LSAMP: variants seen among roughly 807,000 people sequenced by gnomAD.
The protein encoded by LSAMP is limbic system-associated membrane protein.
In LSAMP, 7 loss-of-function variants were observed where a neutral mutation model predicts 38.6. The observed-to-expected ratio is 0.18, with a 90% CI of 0.10 to 0.34. LSAMP has a LOEUF of 0.34. LSAMP is among the 10% of genes least tolerant of loss of function. LSAMP has a pLI of 1.00. For missense variants in LSAMP, 313 were observed against 420.0 expected (o/e 0.75, Z 2.23); for synonymous variants, 154 against 166.8 (o/e 0.92, Z 0.59).
chr3:116,122,977 C>T (rs1244759853), intron 1 of LSAMP, among the ~76,000 whole-genome samples: 1 of 152,102 alleles, frequency 6.6e-6, no homozygotes, highest in Admixed American at 6.6e-5. Flanking sequence ...ATAAAAGATA[C>T]AAAAGAGGTA....
chr3:116,028,363 T>C (rs1940842058), intron 2 of LSAMP, among the ~76,000 whole-genome samples: 2 of 152,122 alleles, frequency 1.3e-5, no homozygotes, highest in African/African-American at 4.8e-5. Context: ...TGTACTAGAT[T>C]GAGAGCCAGG....
At chr3:116,374,718 C>CCATT (rs2048472147) in intron 1 of LSAMP, among the ~76,000 whole-genome samples, 1 of 151,910 alleles carries the variant, frequency 6.6e-6, no homozygotes, top group South Asian at 2.1e-4. Context: ...ATAACTGTCA[C>CCATT]TATTTCATTT....
intron 1 of LSAMP, among the ~76,000 whole-genome samples, chr3:116,431,729 C>A (rs527966333): frequency 6.6e-6 from 1 of 151,950 alleles, no homozygotes. Flanking sequence ...TTGAGAATTT[C>A]ACTTGGTAAA....
chr3:116,199,717 A>C (rs2045963817), intron 1 of LSAMP, among the ~76,000 whole-genome samples: 1 of 152,216 alleles, frequency 6.6e-6, no homozygotes, highest in Non-Finnish European at 1.5e-5. Context: ...TGAGATTAGA[A>C]GAAGGACTCT....
chr3:116,198,102 C>T (rs1210677243), intron 1 of LSAMP, among the ~76,000 whole-genome samples: 5 of 152,048 alleles, frequency 3.3e-5, no homozygotes, highest in South Asian at 4.1e-4. Flanking sequence ...GGAAAGATGA[C>T]GTTCAAAAGA....
rs534608280 is a variant in LSAMP, at chr3:116,377,629, T to C, written c.155+67248A>G. Among the ~76,000 whole-genome samples the C allele has an allele frequency of 2.6e-5, 4 of 152,120 alleles. No homozygotes were observed. The South Asian group carries it at 8.3e-4, about 31-fold the overall frequency. ...GATTGCTGGGTTAAATGGTATTTGTTGTTCTAGATCTTTGCAAACTCAGTA... is the reference window on the plus strand; with the variant it reads ...GATTGCTGGGTTAAATGGTATTTGTCGTTCTAGATCTTTGCAAACTCAGTA... On this transcript the variant is annotated intron_variant, in intron 1 of 6. Coordinates refer to ENST00000490035, the MANE Select transcript of LSAMP (RefSeq NM_002338.5).
In LSAMP at chr3:115,810,410, A is replaced by G. The variant is rs1409914923; in HGVS notation, c.924T>C (p.Pro308=). The part of the protein sequence containing the change: ...VTNASLVLFR[P]GSVRGINGSI... ...ATCCATTTATTCCTCTCACCGACCC[A>G]GGTCCTGCAGAGCAAAAGAGGAGAG... is the stretch of plus-strand genomic sequence containing the variant. Residue 308 remains proline (P), a synonymous_variant, in exon 7 of 7, where the codon CCT becomes CCC. Transcript: ENST00000490035. The G allele has an allele frequency of 1.9e-6, 3 of 1,610,942 alleles. No homozygotes were observed. The highest frequency in any genetic ancestry group is 1.7e-6 in the Non-Finnish European group (2 of 1,177,520).
chr3:116,408,109 T>C (rs951420077), intron 1 of LSAMP, among the ~76,000 whole-genome samples: 3 of 152,062 alleles, frequency 2.0e-5, no homozygotes, highest in Non-Finnish European at 2.9e-5. Flanking sequence ...TTGGAGGAGA[T>C]TGTAAAGAAA....
chr3:116,229,113 G>T (rs1348465030), intron 1 of LSAMP, among the ~76,000 whole-genome samples: 1 of 152,066 alleles, frequency 6.6e-6, no homozygotes, highest in Non-Finnish European at 1.5e-5. Context: ...TTTTACAAAA[G>T]AAAAGACAAC....
intron 1 of LSAMP, among the ~76,000 whole-genome samples, chr3:116,343,615 A>T (rs1287533407): frequency 6.6e-6 from 1 of 152,118 alleles, no homozygotes; most frequent in Non-Finnish European, 1.5e-5. Context: ...AATCTTTATG[A>T]TAGATTCAGG....
intron 1 of LSAMP, among the ~76,000 whole-genome samples, chr3:116,110,089 G>T (rs1708567943): frequency 6.6e-6 from 1 of 152,054 alleles, no homozygotes; most frequent in Non-Finnish European, 1.5e-5. Context: ...CCCTAGAAAA[G>T]TGGGACTTGC....
chr3:116,073,709 A>C lies in LSAMP; in HGVS notation c.388+12615T>G, dbSNP rs181018164. Among the ~76,000 whole-genome samples, 5 of 152,318 alleles carry C rather than the reference A, an allele frequency of 3.3e-5. No homozygotes were observed. In the East Asian group the frequency reaches 9.6e-4, roughly 29 times the overall value. ...TACTGAAGTTGCTAATCAGCTTAAG[A>C]AGCTTTTGGACTGAGACCATGCTAC... On this transcript the variant is annotated intron_variant, in intron 2 of 6. Coordinates refer to ENST00000490035, the MANE Select transcript of LSAMP (RefSeq NM_002338.5).
intron 3 of LSAMP, among the ~76,000 whole-genome samples, chr3:115,937,631 C>A (rs893144780): frequency 7.0e-6 from 1 of 142,960 alleles, no homozygotes; most frequent in Non-Finnish European, 1.5e-5. Context: ...TAGAGTGAGA[C>A]CCTGTCTAAA....
intron 1 of LSAMP, among the ~76,000 whole-genome samples, chr3:116,335,388 A>T (rs771205158): frequency 2.0e-5 from 3 of 152,098 alleles, no homozygotes; most frequent in Non-Finnish European, 2.9e-5. Context: ...GGAATATCAA[A>T]AGGATCCCAA....
At chr3:116,057,130 C>G (rs1425683729) in intron 2 of LSAMP, among the ~76,000 whole-genome samples, 1 of 152,112 alleles carries the variant, frequency 6.6e-6, no homozygotes, top group East Asian at 1.9e-4. Context: ...GACAAACTAT[C>G]CTATTTGTGG....
In LSAMP at chr3:115,808,184, C is replaced by T. The variant is rs1933689288; in HGVS notation, c.*2133G>A. On this transcript the variant is annotated 3_prime_UTR_variant, in exon 7 of 7. Transcript: ENST00000490035. ...CCGTCCCCCCCTCCCTGCCTTCCTTCCTTCCTTCCTTCCTTCTTTCCTTTC... is the reference window on the plus strand; with the variant it reads ...CCGTCCCCCCCTCCCTGCCTTCCTTTCTTCCTTCCTTCCTTCTTTCCTTTC... The T allele has an allele frequency of 7.9e-6, 1 of 126,676 alleles. No homozygotes were observed. Among genetic ancestry groups the T allele is most frequent in the Non-Finnish European group, 1.6e-5 (1 of 60,910 alleles). 7.8% of individuals were successfully genotyped at this position (126,676 alleles called of 1,614,324 possible). A position where few individuals can be genotyped will look rare whatever the true frequency, so the allele number is the denominator to read the frequency against.
chr3:115,816,667 C>A, intron 6 of LSAMP: 1 of 1,268,626 alleles, frequency 7.9e-7, no homozygotes, highest in Non-Finnish European at 1.0e-6. Context: ...AAACATTAAG[C>A]AAAACAAAAA....
chr3:116,263,292 C>T (rs2046850160), intron 1 of LSAMP, among the ~76,000 whole-genome samples: 2 of 152,158 alleles, frequency 1.3e-5, no homozygotes, highest in South Asian at 2.1e-4. Flanking sequence ...AATCCCAGCA[C>T]TTTGGGAGGC....
At chr3:116,441,353 A>G (rs1401002913) in intron 1 of LSAMP, among the ~76,000 whole-genome samples, 1 of 152,170 alleles carries the variant, frequency 6.6e-6, no homozygotes. Flanking sequence ...CCAGATACGC[A>G]TGTGTATGTA....
Sources: gnomAD v4.1 joint callset for allele counts (sites outside exome capture counted in the v4.1 genomes callset) on GRCh38, gnomAD v4.1.1 for gene constraint, MANE v1.5 for transcripts, NCBI Gene and HGNC (gene_info 2026-07-23, HGNC 2026-07-21) for gene names.